PDE7B: variants seen among roughly 807,000 people sequenced by gnomAD.
PDE7B encodes the protein 3',5'-cyclic-AMP phosphodiesterase 7B.
PDE7B carries 29 observed loss-of-function variants against 56.2 expected under a neutral mutation model. That is an observed-to-expected ratio of 0.52 (90% CI 0.38 to 0.70). The LOEUF (loss-of-function observed/expected upper bound fraction) is 0.70. Ranked by LOEUF, PDE7B falls within the 30% of genes least tolerant of loss-of-function variation. PDE7B has a pLI of 0.00. For synonymous variants in PDE7B, 197 were observed against 196.9 expected, an observed-to-expected ratio of 1.00 and a Z score of 0.00; for missense variants, 490 against 565.0, an observed-to-expected ratio of 0.87 and a Z score of 1.35.
chr6:136,007,981 C>A (rs1185398440), intron 2 of PDE7B, among the ~76,000 whole-genome samples: 1 of 151,544 alleles, frequency 6.6e-6, no homozygotes, highest in Admixed American at 6.6e-5. Flanking sequence ...TATCCCTCCC[C>A]CATCCCCCCA....
intron 2 of PDE7B, among the ~76,000 whole-genome samples, chr6:136,004,507 T>C (rs1463715453): frequency 6.6e-6 from 1 of 152,086 alleles, no homozygotes; most frequent in African/African-American, 2.4e-5. Context: ...CAGCAAAGTC[T>C]CAGGATACAA....
intron 1 of PDE7B, among the ~76,000 whole-genome samples, chr6:135,866,018 A>G (rs376587940): frequency 1.3e-5 from 2 of 152,198 alleles, no homozygotes; most frequent in South Asian, 2.1e-4. Context: ...GCTGTATTTT[A>G]TCTTGTATTT....
chr6:136,068,640 C>A (rs1293191754), intron 2 of PDE7B, among the ~76,000 whole-genome samples: 6 of 151,928 alleles, frequency 3.9e-5, no homozygotes, highest in Admixed American at 3.9e-4. Context: ...ACTGTGTTAG[C>A]CAGAATGGTC....
intron 2 of PDE7B, among the ~76,000 whole-genome samples, chr6:136,025,790 A>G (rs1776140464): frequency 6.6e-6 from 1 of 152,262 alleles, no homozygotes; most frequent in African/African-American, 2.4e-5. Context: ...ACCCCAGGAC[A>G]GAAATCAGCC....
chr6:135,866,112 T>A (rs965722359), intron 1 of PDE7B, among the ~76,000 whole-genome samples: 1 of 152,160 alleles, frequency 6.6e-6, no homozygotes, highest in African/African-American at 2.4e-5. Flanking sequence ...AGAACACACA[T>A]TAGAAAATTC....
intron 1 of PDE7B, among the ~76,000 whole-genome samples, chr6:135,894,737 C>A (rs1775867955): frequency 6.6e-6 from 1 of 152,086 alleles, no homozygotes; most frequent in African/African-American, 2.4e-5. Context: ...TACAGTACAT[C>A]TTGAACATGT....
chr6:136,157,493 A>T, intron 8 of PDE7B, among the ~76,000 whole-genome samples: 1 of 152,156 alleles, frequency 6.6e-6, no homozygotes, highest in Non-Finnish European at 1.5e-5. Flanking sequence ...CAGGAGAATC[A>T]CTTGAACCCT....
At chr6:135,975,210 T>G (rs776342348) in intron 2 of PDE7B, among the ~76,000 whole-genome samples, 2 of 152,110 alleles carry the variant, frequency 1.3e-5, no homozygotes, top group Non-Finnish European at 2.9e-5. Context: ...ATATACTGAT[T>G]GATAAATGTT....
chr6:136,038,031 C>A (rs1217654578), intron 2 of PDE7B: 1 of 1,324,186 alleles, frequency 7.6e-7, no homozygotes, highest in African/African-American at 1.5e-5. Flanking sequence ...CAGAGAGAAA[C>A]CTAGGGAAGT....
chr6:136,015,274 G>A (rs1775959790), intron 2 of PDE7B, among the ~76,000 whole-genome samples: 1 of 152,172 alleles, frequency 6.6e-6, no homozygotes, highest in Admixed American at 6.5e-5. Context: ...GGTCGGGGGA[G>A]AATTTTATTT....
At chr6:136,089,060 A>G (rs1777340266) in intron 2 of PDE7B, among the ~76,000 whole-genome samples, 1 of 152,132 alleles carries the variant, frequency 6.6e-6, no homozygotes, top group Admixed American at 6.5e-5. Flanking sequence ...GCAAAACACA[A>G]GAAAAACTCT....
chr6:136,041,004 T>G (rs925539380), intron 2 of PDE7B, among the ~76,000 whole-genome samples: 1 of 152,228 alleles, frequency 6.6e-6, no homozygotes, highest in African/African-American at 2.4e-5. Context: ...ATTTTTGCTG[T>G]GCTAGTAACT....
Position 136,063,360 on chromosome 6 carries a change from A to G in PDE7B, c.83-45371A>G, listed in dbSNP as rs375941027. Among the ~76,000 whole-genome samples, 31 of 152,342 alleles carry G rather than the reference A, an allele frequency of 2.0e-4. No homozygotes were observed. In the East Asian group the frequency reaches 5.4e-3, roughly 27 times the overall value. On this transcript the variant is annotated intron_variant, in intron 2 of 12. Transcript: ENST00000308191. Reference sequence around the variant, plus strand: ...AACCACAATGGGATATCTTGAGGTTAAAAGTAAACCACAAATATCTCACAA... The same window carrying G: ...AACCACAATGGGATATCTTGAGGTTGAAAGTAAACCACAAATATCTCACAA...
intron 1 of PDE7B, among the ~76,000 whole-genome samples, chr6:135,908,594 G>A (rs1476691497): frequency 6.6e-6 from 1 of 152,074 alleles, no homozygotes; most frequent in Non-Finnish European, 1.5e-5. Context: ...ACCAAGAGGG[G>A]AAAGGATAAG....
At chr6:136,130,456 G>C (rs537847072) in intron 3 of PDE7B, among the ~76,000 whole-genome samples, 3 of 152,174 alleles carry the variant, frequency 2.0e-5, no homozygotes, top group Non-Finnish European at 4.4e-5. Flanking sequence ...CATCAAGTGT[G>C]AGCGGCAAAG....
At chr6:135,965,331 G>T (rs1481807766) in intron 2 of PDE7B, among the ~76,000 whole-genome samples, 2 of 152,152 alleles carry the variant, frequency 1.3e-5, no homozygotes, top group Non-Finnish European at 2.9e-5. Context: ...CTCAGGATCT[G>T]CAGCAACTGT....
At chr6:135,854,659 A>T (rs1774993730) in intron 1 of PDE7B, among the ~76,000 whole-genome samples, 1 of 152,148 alleles carries the variant, frequency 6.6e-6, no homozygotes, top group African/African-American at 2.4e-5. Context: ...TTTGGGGAGC[A>T]CTTCCACTGT....
At chr6:136,129,680 G>T (rs1778083477) in intron 3 of PDE7B, among the ~76,000 whole-genome samples, 1 of 152,226 alleles carries the variant, frequency 6.6e-6, no homozygotes, top group South Asian at 2.1e-4. Flanking sequence ...TGGAGAAGGG[G>T]AAGGAAAGGA....
At chr6:136,162,542 C>T (rs558467920) in intron 8 of PDE7B, among the ~76,000 whole-genome samples, 1 of 152,134 alleles carries the variant, frequency 6.6e-6, no homozygotes, top group Non-Finnish European at 1.5e-5. Flanking sequence ...ACATATCATT[C>T]TGCCCCCAGC....
Sources: allele counts gnomAD v4.1 joint callset (sites outside exome capture counted in the v4.1 genomes callset), GRCh38; gene constraint gnomAD v4.1.1; transcripts MANE v1.5; gene names NCBI Gene and HGNC (gene_info 2026-07-23, HGNC 2026-07-21).